The following PYGL variants were observed in gnomAD, a reference collection of about 807,000 sequenced individuals.
PYGL encodes glycogen phosphorylase, liver form.
A neutral mutation model predicts 100.1 loss-of-function variants in PYGL; 90 were observed. The ratio of observed to expected loss-of-function variants is 0.90; its 90% confidence interval spans 0.76 to 1.07. The LOEUF (loss-of-function observed/expected upper bound fraction) is 1.07. PYGL is among the 50% of genes least tolerant of loss of function. PYGL has a pLI of 0.00. For synonymous variants in PYGL, 373 were observed against 393.0 expected (o/e 0.95, Z 0.60); for missense variants, 1,016 against 1,057.6 (o/e 0.96, Z 0.55).
chr14:50,922,522 C>G (rs879830511), intron 5 of PYGL, among the ~76,000 whole-genome samples: 5 of 152,154 alleles, frequency 3.3e-5, no homozygotes, highest in Non-Finnish European at 5.9e-5. Context: ...GAGTTGGACC[C>G]TTCTGACCCT....
chr14:50,926,497 G>A (rs1468919669), intron 4 of PYGL, among the ~76,000 whole-genome samples: 2 of 151,772 alleles, frequency 1.3e-5, no homozygotes, highest in Non-Finnish European at 2.9e-5. Flanking sequence ...GGAGGCCGAG[G>A]TGGGCTGATC....
At chr14:50,908,097 C>T (rs968982802) in intron 19 of PYGL, 174 bp downstream of exon 19, 5 of 513,760 alleles carry the variant, frequency 9.7e-6, no homozygotes, top group African/African-American at 6.2e-5. Flanking sequence ...TGGGAAAAGA[C>T]AAGGTTTTTT....
chr14:50,939,366 T>A (rs1284429534), intron 1 of PYGL, among the ~76,000 whole-genome samples: 1 of 152,238 alleles, frequency 6.6e-6, no homozygotes, highest in Non-Finnish European at 1.5e-5. Context: ...AATTTTTCTA[T>A]AAAGTCTATT....
At chr14:50,935,478 T>C (rs1230242845) in intron 2 of PYGL, among the ~76,000 whole-genome samples, 1 of 152,218 alleles carries the variant, frequency 6.6e-6, no homozygotes, top group Non-Finnish European at 1.5e-5. Flanking sequence ...AATTTTCCTA[T>C]TTAAAAAAGT....
Position 50,917,121 on chromosome 14 carries a change from A to G in PYGL, c.856-16T>C, listed in dbSNP as rs747808724. 8 of 1,612,418 alleles carry G rather than the reference A, an allele frequency of 5.0e-6. No individual in the cohort carries two copies. The African/African-American group carries it at 1.1e-4, about 22-fold the overall frequency. On this transcript the variant is annotated splice_polypyrimidine_tract_variant and intron_variant, in intron 7 of 19. Coordinates refer to ENST00000216392, the MANE Select transcript of PYGL (RefSeq NM_002863.5). ...CTTCAAAAAACTTCAAGCCAGAGAG[A>G]TAGAATAAAAATGGTTCATATTGTA...
chr14:50,915,093 T>TTTTG lies in PYGL; in HGVS notation c.1403+239_1403+242dup, dbSNP rs1434519468. On this transcript the variant is annotated intron_variant, in intron 11 of 19. Coordinates refer to ENST00000216392, the MANE Select transcript of PYGL (RefSeq NM_002863.5). ...ACTTTCAGTAGAATAGTTTTTGGTA[T>TTTTG]TTTGTTTGTTTGTTTGTTTTGGCTC... The TTTTG allele has an allele frequency of 1.1e-5, 7 of 630,896 alleles. No homozygotes were observed. The East Asian group carries it at 1.4e-4, about 12-fold the overall frequency. 39.1% of individuals were successfully genotyped at this position (630,896 alleles called of 1,614,324 possible).
Position 50,905,379 on chromosome 14 carries a change from AC to A in PYGL, c.*12del. ...CAGTAAGAAGCTATGTTTTCTAGAGACAATTCTAGAGTTCAATTTCCATTGA... is the reference window on the plus strand; with the variant it reads ...CAGTAAGAAGCTATGTTTTCTAGAGAAATTCTAGAGTTCAATTTCCATTGA... On this transcript the variant is annotated 3_prime_UTR_variant, in exon 20 of 20. Transcript: ENST00000216392. 1 of 1,542,444 alleles carries A rather than the reference AC, an allele frequency of 6.5e-7. No individual in the cohort carries two copies.
intron 2 of PYGL, 140 bp from the exon 3 acceptor site, chr14:50,935,325 T>C: frequency 1.4e-6 from 1 of 740,264 alleles, no homozygotes; most frequent in Non-Finnish European, 2.4e-6. Context: ...TTGCAGCTTG[T>C]TCTGGCATCA....
chr14:50,931,530 G>A (rs2050600635), intron 4 of PYGL, 143 bp downstream of exon 4: 1 of 723,870 alleles, frequency 1.4e-6, no homozygotes, highest in African/African-American at 1.8e-5. Flanking sequence ...TGGGAAGATG[G>A]ATAGATAGAA....
intron 7 of PYGL, 84 bp downstream of exon 7, chr14:50,920,457 A>T: frequency 1.6e-6 from 2 of 1,281,994 alleles, no homozygotes; most frequent in Non-Finnish European, 2.3e-6. Context: ...CATCAATATT[A>T]AATGTGTTTT....
rs778655876 is a variant in PYGL, at chr14:50,911,819, A to G, written c.1880T>C (p.Val627Ala). 6.2e-7 allele frequency: 1 copy of G among 1,614,164 alleles called. No homozygotes were observed. The highest frequency in any genetic ancestry group is 8.5e-7 in the Non-Finnish European group (1 of 1,179,990). ...AGGGTCATTGTTCACCACATCTGCCACTGAAGTGATCAGCTTTATGATCAT... is the reference window on the plus strand; with the variant it reads ...AGGGTCATTGTTCACCACATCTGCCGCTGAAGTGATCAGCTTTATGATCAT... ...AKMIIKLITS[V>A]ADVVNNDPMV... is the part of the protein sequence containing the mutation. The change falls in exon 16 of 20, where the codon GTG (valine) becomes GCG (alanine). Residue 627 changes from valine to alanine, a missense_variant. Transcript: ENST00000216392.
chr14:50,912,531 C>T (rs896612006), intron 13 of PYGL: 28 of 557,758 alleles, frequency 5.0e-5, no homozygotes, highest in Middle Eastern at 4.9e-4. Context: ...TTAGTAGAGA[C>T]GGGGTTTCAT....
chr14:50,917,265 G>A (rs1390337046), intron 7 of PYGL, among the ~76,000 whole-genome samples, 160 bp from the exon 8 acceptor site: 1 of 152,168 alleles, frequency 6.6e-6, no homozygotes, highest in African/African-American at 2.4e-5. Context: ...GCTCTTTCCT[G>A]AGACCCCATG....
chr14:50,914,915 G>A, intron 11 of PYGL, 100 bp from the exon 12 acceptor site: 1 of 878,694 alleles, frequency 1.1e-6, no homozygotes, highest in East Asian at 2.5e-5. Context: ...CCAAGTGCAG[G>A]CTTAGAAAGG....
rs1213016858 is a variant in PYGL at position 50,944,458 on chromosome 14, G to C, written c.-55C>G. The stretch of plus-strand genomic sequence containing the variant: ...GCGCAGAGAGCTGGAAGTGCGGCCG[G>C]AGGCGCTGGGCTGCCGGGCAGGGGT... On this transcript the variant is annotated 5_prime_UTR_variant, in exon 1 of 20. Coordinates refer to ENST00000216392, the MANE Select transcript of PYGL (RefSeq NM_002863.5). 6.5e-7 allele frequency: 1 copy of C among 1,539,044 alleles called. No homozygotes were observed. The highest frequency in any genetic ancestry group is 8.7e-7 in the Non-Finnish European group (1 of 1,145,900).
In PYGL at chr14:50,920,963, G is replaced by C; in HGVS notation, c.765C>G (p.Leu255=). 1 of 1,612,550 alleles carries C rather than the reference G, an allele frequency of 6.2e-7. No individual in the cohort carries two copies. The highest frequency in any genetic ancestry group is 8.5e-7 in the Non-Finnish European group (1 of 1,178,514). Residue 255 remains leucine (L), a synonymous_variant, in exon 6 of 20, where the codon CTC becomes CTG. Coordinates refer to ENST00000216392, the MANE Select transcript of PYGL (RefSeq NM_002863.5). ...GGCCTGTGCTGTACTCACAGTCTCT[G>C]AGGTTAAAGTCATTTGGTGCCCGAG... ...WSARAPNDFN[L]RDFNVGDYIQ...
intron 1 of PYGL, among the ~76,000 whole-genome samples, chr14:50,940,151 G>A (rs758497727): frequency 2.6e-5 from 4 of 152,176 alleles, no homozygotes; most frequent in African/African-American, 4.8e-5. Flanking sequence ...GCTCTAGTAC[G>A]TGATGACCGC....
intron 12 of PYGL, among the ~76,000 whole-genome samples, chr14:50,913,961 T>C (rs2050422672): frequency 3.3e-5 from 5 of 152,208 alleles, no homozygotes; most frequent in South Asian, 2.1e-4. Context: ...CCTAGGCTTC[T>C]CAAAGCACTG....
chr14:50,925,536 T>G lies in PYGL; in HGVS notation c.529-1436A>C, dbSNP rs147559527. On this transcript the variant is annotated intron_variant, in intron 4 of 19. Transcript: ENST00000216392. The stretch of plus-strand genomic sequence containing the variant: ...AAGAATTACAACACAATGTTGGACA[T>G]CTCATGATCACCTAAACATGAGTGT... Among the ~76,000 whole-genome samples, 8 of 152,344 alleles carry G rather than the reference T, an allele frequency of 5.3e-5. No homozygotes were observed. The East Asian group carries it at 1.5e-3, about 29-fold the overall frequency.
Sources: gnomAD v4.1 joint callset for allele counts (sites outside exome capture counted in the v4.1 genomes callset) on GRCh38, gnomAD v4.1.1 for gene constraint, MANE v1.5 for transcripts, NCBI Gene and HGNC (gene_info 2026-07-23, HGNC 2026-07-21) for gene names.